The following FOXR1 variants were observed in gnomAD, a reference collection of about 807,000 sequenced individuals.
FOXR1 encodes the protein forkhead box protein R1.
FOXR1 carries 25 observed loss-of-function variants against 34.5 expected under a neutral mutation model. That is an observed-to-expected ratio of 0.72 (90% CI 0.53 to 1.01). The LOEUF is 1.01. Ranked by LOEUF, FOXR1 falls within the 50% of genes least tolerant of loss-of-function variation. The probability of loss-of-function intolerance (pLI) is 0.00; values close to 1 mark genes in which losing one functional copy is unlikely to be tolerated. For missense variants in FOXR1, 373 were observed against 376.2 expected (o/e 0.99, Z 0.07); for synonymous variants, 153 against 141.6 (o/e 1.08, Z -0.57).
intron 4 of FOXR1, 39 bp downstream of exon 4, chr11:118,979,707 G>T: frequency 6.5e-7 from 1 of 1,534,648 alleles, no homozygotes; most frequent in South Asian, 1.3e-5. Flanking sequence ...GGAAGTGGGG[G>T]CCAGGGCCCC....
intron 4 of FOXR1, chr11:118,980,160 G>A: frequency 1.8e-6 from 1 of 544,152 alleles, no homozygotes; most frequent in African/African-American, 1.9e-5. Flanking sequence ...AGTGTTAGGA[G>A]AAGTGCCTAA....
At chr11:118,972,111 G>C (rs1475927484) in intron 1 of FOXR1, 119 bp downstream of exon 1, 2 of 810,986 alleles carry the variant, frequency 2.5e-6, no homozygotes, top group Non-Finnish European at 3.5e-6. Flanking sequence ...GGGAGGCTTG[G>C]GGGGCCGAGC....
chr11:118,978,786 C>G lies in FOXR1; in HGVS notation c.66C>G (p.Ala22=). ...SHLPLAEQKL[A]RYKLRIVKPP... is the part of the protein sequence containing the mutation. ...CTCTGTCTTTCTTTTTGCCAGTTGC[C>G]AGGTATAAACTCCGAATTGTTAAGC... Residue 22 remains alanine, a synonymous_variant, in exon 2 of 6, where the codon GCC becomes GCG. Coordinates refer to ENST00000317011, the MANE Select transcript of FOXR1 (RefSeq NM_181721.3). 1 of 1,614,056 alleles carries G rather than the reference C, an allele frequency of 6.2e-7. No individual in the cohort carries two copies. The highest frequency in any genetic ancestry group is 8.5e-7 in the Non-Finnish European group (1 of 1,180,016).
intron 1 of FOXR1, among the ~76,000 whole-genome samples, chr11:118,975,956 C>A (rs553804081): frequency 7.2e-4 from 109 of 152,342 alleles, no homozygotes; most frequent in African/African-American, 2.5e-3. Context: ...ACAACCCTGA[C>A]TAAATCCACC....
chr11:118,980,787 G>A, intron 5 of FOXR1, 59 bp downstream of exon 5: 1 of 1,514,756 alleles, frequency 6.6e-7, no homozygotes, highest in Admixed American at 1.8e-5. Flanking sequence ...CCTGACCCAA[G>A]GCCAAGTGTG....
intron 1 of FOXR1, among the ~76,000 whole-genome samples, chr11:118,976,389 A>G (rs763255428): frequency 6.6e-6 from 1 of 152,150 alleles, no homozygotes; most frequent in East Asian, 1.9e-4. Context: ...TTTTATAGAG[A>G]TGGGGTTTCA....
At chr11:118,973,448 G>A (rs1224386558) in intron 1 of FOXR1, among the ~76,000 whole-genome samples, 1 of 152,038 alleles carries the variant, frequency 6.6e-6, no homozygotes, top group Non-Finnish European at 1.5e-5. Context: ...GATGGAGTCT[G>A]GCTCTGTTGC....
intron 1 of FOXR1, among the ~76,000 whole-genome samples, chr11:118,975,971 C>T (rs1400165942): frequency 6.6e-6 from 1 of 152,184 alleles, no homozygotes; most frequent in Non-Finnish European, 1.5e-5. Context: ...TCCACCTCTG[C>T]CAAACGAGTG....
At chr11:118,973,009 T>G (rs780838901) in intron 1 of FOXR1, among the ~76,000 whole-genome samples, 2 of 152,184 alleles carry the variant, frequency 1.3e-5, no homozygotes, top group Non-Finnish European at 2.9e-5. Flanking sequence ...GAGCTGTTGT[T>G]TTAGGTTGCT....
At chr11:118,975,328 G>C (rs1487013531) in intron 1 of FOXR1, among the ~76,000 whole-genome samples, 1 of 152,094 alleles carries the variant, frequency 6.6e-6, no homozygotes, top group East Asian at 1.9e-4. Flanking sequence ...CCTGACTGAA[G>C]GGGGTTTAAG....
chr11:118,978,878 C>T, intron 2 of FOXR1, 22 bp downstream of exon 2: 1 of 1,614,216 alleles, frequency 6.2e-7, no homozygotes, highest in Non-Finnish European at 8.5e-7. Flanking sequence ...GTTCTCTGAC[C>T]TGTTTCTGTG....
chr11:118,980,976 A>T (rs1941854407), intron 5 of FOXR1, among the ~76,000 whole-genome samples: 1 of 152,218 alleles, frequency 6.6e-6, no homozygotes, highest in Non-Finnish European at 1.5e-5. Flanking sequence ...GGCCTTACCA[A>T]GACCAGCAGT....
At chr11:118,975,379 A>G (rs945378735) in intron 1 of FOXR1, among the ~76,000 whole-genome samples, 1 of 152,154 alleles carries the variant, frequency 6.6e-6, no homozygotes, top group Admixed American at 6.6e-5. Flanking sequence ...TTATGCCTCA[A>G]CAGGAAATAA....
chr11:118,977,025 T>A (rs1941787374), intron 1 of FOXR1, among the ~76,000 whole-genome samples: 1 of 152,138 alleles, frequency 6.6e-6, no homozygotes, highest in Non-Finnish European at 1.5e-5. Context: ...TATGGTGATT[T>A]TTACTATGTT....
In FOXR1 at chr11:118,980,710, C is replaced by A; in HGVS notation, c.832C>A (p.Gln278Lys). ...LASTRLESIQ[Q>K]CMSQPDVMPF... ...TTCCACTCGGCTAGAAAGTATCCAA[C>A]AGTGCATGAGCCAGCCAGGTGTGAA... Residue 278 changes from glutamine to lysine, a missense_variant, in exon 5 of 6, where the codon CAG becomes AAG. By Grantham distance (53) the Gln-to-Lys change is moderately conservative. Coordinates refer to ENST00000317011, the MANE Select transcript of FOXR1 (RefSeq NM_181721.3). The A allele has an allele frequency of 6.2e-7, 1 of 1,613,068 alleles. No homozygotes were observed. Among genetic ancestry groups the A allele is most frequent in the Non-Finnish European group, 8.5e-7 (1 of 1,179,958 alleles).
Position 118,971,819 on chromosome 11 carries a change from C to T in FOXR1, c.-113C>T, listed in dbSNP as rs1941705456. ...CAGCCGCCGCGCTCCCACTCCGCGT[C>T]CCCACTCCGCGCCGCCGCGCCTCTG... On this transcript the variant is annotated 5_prime_UTR_variant, in exon 1 of 6. Coordinates refer to ENST00000317011, the MANE Select transcript of FOXR1 (RefSeq NM_181721.3). The T allele has an allele frequency of 7.6e-6, 9 of 1,183,376 alleles. No homozygotes were observed. The highest frequency in any genetic ancestry group is 9.7e-6 in the Non-Finnish European group (8 of 820,940). 73.3% of individuals were successfully genotyped at this position (1,183,376 alleles called of 1,614,324 possible). A position where few individuals can be genotyped will look rare whatever the true frequency, so the allele number is the denominator to read the frequency against.
chr11:118,981,104 GC>G (rs1941856854), intron 5 of FOXR1, 103 bp from the exon 6 acceptor site: 1 of 1,134,152 alleles, frequency 8.8e-7, no homozygotes, highest in South Asian at 1.2e-5. Flanking sequence ...CAGCATTTGA[GC>G]CTTGAGTGAA....
chr11:118,980,110 C>A, intron 4 of FOXR1: 1 of 484,684 alleles, frequency 2.1e-6, no homozygotes, highest in Admixed American at 2.3e-5. Context: ...TAGTCCTGCT[C>A]ACAGGAGGGT....
At chr11:118,973,679 G>A (rs1185679531) in intron 1 of FOXR1, among the ~76,000 whole-genome samples, 2 of 150,090 alleles carry the variant, frequency 1.3e-5, no homozygotes, top group African/African-American at 2.4e-5. Flanking sequence ...ACAGGTGTGA[G>A]CCACCGCACC....
Sources: gnomAD v4.1 joint callset for allele counts (sites outside exome capture counted in the v4.1 genomes callset) on GRCh38, gnomAD v4.1.1 for gene constraint, MANE v1.5 for transcripts, NCBI Gene and HGNC (gene_info 2026-07-23, HGNC 2026-07-21) for gene names.